Variants in ATRNL1 observed in about 807,000 individuals in gnomAD.
The protein encoded by ATRNL1 is attractin like 1.
Under a neutral mutation model 182.7 loss-of-function variants are expected in ATRNL1, and 95 were observed. That is an observed-to-expected ratio of 0.52 (90% CI 0.44 to 0.62). The LOEUF is 0.62. Among genes scored for constraint, ATRNL1 ranks in the 20% least tolerant of loss-of-function variants. The probability of loss-of-function intolerance (pLI) is 0.00; values close to 1 mark genes in which losing one functional copy is unlikely to be tolerated. For synonymous variants in ATRNL1, 576 were observed against 568.3 expected (o/e 1.01, Z -0.19); for missense variants, 1,471 against 1,679.5 (o/e 0.88, Z 2.17).
intron 12 of ATRNL1, among the ~76,000 whole-genome samples, chr10:115,267,339 A>G (rs1395773700): frequency 6.6e-6 from 1 of 151,686 alleles, no homozygotes; most frequent in African/African-American, 2.4e-5. Context: ...AAGAAATAAA[A>G]TGAAATAATT....
chr10:115,485,396 T>A (rs1565092607), intron 24 of ATRNL1, among the ~76,000 whole-genome samples: 1 of 152,040 alleles, frequency 6.6e-6, no homozygotes, highest in African/African-American at 2.4e-5. Flanking sequence ...AATGTAAACA[T>A]GATGTTTTGA....
intron 24 of ATRNL1, among the ~76,000 whole-genome samples, chr10:115,469,902 A>G (rs1455844262): frequency 6.6e-6 from 1 of 150,518 alleles, no homozygotes; most frequent in Non-Finnish European, 1.5e-5. Flanking sequence ...TTTCTATCTT[A>G]TAGTCAAGGT....
intron 27 of ATRNL1, among the ~76,000 whole-genome samples, chr10:115,729,472 A>G (rs1044648019): frequency 6.2e-5 from 9 of 146,212 alleles, no homozygotes; most frequent in Non-Finnish European, 1.2e-4. Context: ...TGTTCTACCA[A>G]GGCTTATTTC....
intron 19 of ATRNL1, among the ~76,000 whole-genome samples, chr10:115,393,461 T>C (rs912481782): frequency 2.6e-5 from 4 of 152,172 alleles, no homozygotes; most frequent in African/African-American, 9.7e-5. Flanking sequence ...ATTCACTTAA[T>C]TTTATATGGC....
In ATRNL1 at chr10:115,160,159, A is replaced by T; in HGVS notation, c.949A>T (p.Met317Leu). 1 of 1,612,718 alleles carries T rather than the reference A, an allele frequency of 6.2e-7. No homozygotes were observed. The highest frequency in any genetic ancestry group is 8.5e-7 in the Non-Finnish European group (1 of 1,179,144). Residue 317 changes from methionine to leucine, a missense_variant, in exon 6 of 29, where the codon ATG becomes TTG. Around this residue, in one of 3 missense-constraint regions of ATRNL1, gnomAD observed 1,031 missense variants for 1,156.0 expected, o/e 0.89. Transcript: ENST00000355044. Reference protein sequence around the residue: ...SHKAVLHGKFMWVIGGYTFNY... With the variant: ...SHKAVLHGKFLWVIGGYTFNY... ...TAAAGCAGTTTTACACGGGAAATTT[A>T]TGTGGGTGATTGGTGGATATACTTT...
At chr10:115,146,014 G>C (rs782742603) in intron 5 of ATRNL1, among the ~76,000 whole-genome samples, 25 of 151,130 alleles carry the variant, frequency 1.7e-4, no homozygotes, top group Non-Finnish European at 2.9e-4. Flanking sequence ...AAAACAAACT[G>C]AAGTACCACC....
intron 12 of ATRNL1, 85 bp from the exon 13 acceptor site, chr10:115,268,241 A>G: frequency 1.3e-6 from 1 of 781,316 alleles, no homozygotes. Context: ...AGTGATTCTT[A>G]ATGATTCTTA....
chr10:115,745,904 T>G (rs1317346042), intron 27 of ATRNL1, among the ~76,000 whole-genome samples: 1 of 152,138 alleles, frequency 6.6e-6, no homozygotes, highest in Non-Finnish European at 1.5e-5. Flanking sequence ...GTGGGGAATA[T>G]GTAATATGTG....
intron 21 of ATRNL1, among the ~76,000 whole-genome samples, chr10:115,441,042 T>C (rs79322701): frequency 0.031 from 4,768 of 151,920 alleles, 241 homozygotes; most frequent in African/African-American, 0.11. Context: ...CCTATACTTA[T>C]TTTCTCTGCC....
intron 26 of ATRNL1, among the ~76,000 whole-genome samples, chr10:115,556,581 G>GA (rs1173574136): frequency 2.0e-5 from 3 of 152,010 alleles, no homozygotes; most frequent in African/African-American, 7.2e-5. Context: ...ATTAAAATGT[G>GA]AAAAAATGTT....
chr10:115,884,638 C>T (rs1787065682), intron 28 of ATRNL1, among the ~76,000 whole-genome samples: 1 of 152,214 alleles, frequency 6.6e-6, no homozygotes, highest in South Asian at 2.1e-4. Flanking sequence ...CACCTGGACA[C>T]TTCATTATGA....
At chr10:115,401,341 T>C (rs1409143634) in intron 20 of ATRNL1, among the ~76,000 whole-genome samples, 1 of 152,096 alleles carries the variant, frequency 6.6e-6, no homozygotes, top group Non-Finnish European at 1.5e-5. Context: ...AGCCAGCAGA[T>C]GTCTCATATT....
Position 115,394,752 on chromosome 10 carries a change from TGTAA to T in ATRNL1, c.3269+6_3269+9del. 1.3e-6 allele frequency: 2 copies of T among 1,587,334 alleles called. No individual in the cohort carries two copies. The highest frequency in any genetic ancestry group is 1.7e-6 in the Non-Finnish European group (2 of 1,166,676). ...GGAATAAAAGGTGACCAATGCCAAT[TGTAA>T]GTAAGAATGACTTTTTAGAACTTTC... is the stretch of plus-strand genomic sequence containing the variant. On this transcript the variant is annotated splice_donor_variant and splice_donor_region_variant and intron_variant, in intron 20 of 28. Transcript: ENST00000355044. LOFTEE classifies it high-confidence loss of function.
chr10:115,715,276 G>T (rs1947212911), intron 26 of ATRNL1, among the ~76,000 whole-genome samples: 1 of 152,186 alleles, frequency 6.6e-6, no homozygotes, highest in African/African-American at 2.4e-5. Flanking sequence ...GTGGACAAAG[G>T]ATGGTTTCAC....
intron 21 of ATRNL1, among the ~76,000 whole-genome samples, chr10:115,441,894 G>A (rs530696638): frequency 6.6e-6 from 1 of 151,926 alleles, no homozygotes; most frequent in East Asian, 1.9e-4. Flanking sequence ...TACTTTGTGA[G>A]GGTGTTTAGT....
At chr10:115,383,915 G>T (rs1554951894) in intron 19 of ATRNL1, among the ~76,000 whole-genome samples, 1 of 151,854 alleles carries the variant, frequency 6.6e-6, no homozygotes, top group Non-Finnish European at 1.5e-5. Context: ...TTTCTTTGAT[G>T]CCCTTTAAGT....
At position 115,256,467 on chromosome 10, in the gene ATRNL1, T is replaced by G. The variant is rs185840984; in HGVS notation, c.1688-8726T>G. On this transcript the variant is annotated intron_variant, in intron 10 of 28. Transcript: ENST00000355044. ...TCTCTGATGGTAGTTTGTATTTCTTTGGGATCTGTGGTGATATCCCCTTTA... is the reference window on the plus strand; with the variant it reads ...TCTCTGATGGTAGTTTGTATTTCTTGGGGATCTGTGGTGATATCCCCTTTA... 6.0e-3 allele frequency among the ~76,000 whole-genome samples: 919 copies of G among 152,334 alleles called. 3 individuals carry two copies. Among genetic ancestry groups the G allele is most frequent in the African/African-American group, 0.02 (812 of 41,586 alleles).
rs572889772 is a variant in ATRNL1 at position 115,817,318 on chromosome 10, A to C, written c.3904-30559A>C. 2.0e-5 allele frequency among the ~76,000 whole-genome samples: 3 copies of C among 152,252 alleles called. No homozygotes were observed. In the South Asian group the frequency reaches 6.2e-4, roughly 32 times the overall value. On this transcript the variant is annotated intron_variant, in intron 27 of 28. Coordinates refer to ENST00000355044, the MANE Select transcript of ATRNL1 (RefSeq NM_207303.4). ...TCGGAAAAAAATCATGAAATTATTTATGAGGTCATAATAAACATGGATTAC... is the reference window on the plus strand; with the variant it reads ...TCGGAAAAAAATCATGAAATTATTTCTGAGGTCATAATAAACATGGATTAC...
intron 10 of ATRNL1, among the ~76,000 whole-genome samples, chr10:115,259,785 G>T (rs1176680074): frequency 6.6e-6 from 1 of 151,964 alleles, no homozygotes; most frequent in African/African-American, 2.4e-5. Flanking sequence ...ATTATTTAGG[G>T]ACCCAGGCTG....
Sources: allele counts gnomAD v4.1 joint callset (sites outside exome capture counted in the v4.1 genomes callset), GRCh38; gene constraint gnomAD v4.1.1; regional missense constraint gnomAD v4.1.1; transcripts MANE v1.5; gene names NCBI Gene and HGNC (gene_info 2026-07-23, HGNC 2026-07-21).